The following ABCC8 variants were observed in gnomAD, a reference collection of about 807,000 sequenced individuals.
ABCC8 encodes ATP binding cassette subfamily C member 8, also known as ATP-binding cassette sub-family C member 8.
ABCC8 carries 137 observed loss-of-function variants against 188.0 expected under a neutral mutation model. That is an observed-to-expected ratio of 0.73 (90% CI 0.63 to 0.84). ABCC8 has a LOEUF of 0.84. ABCC8 is among the 40% of genes least tolerant of loss of function. The pLI is 0.00. For missense variants in ABCC8, 1,750 were observed against 2,072.7 expected (o/e 0.84, Z 3.02); for synonymous variants, 797 against 846.5 (o/e 0.94, Z 1.01).
rs2133445127 is a variant in ABCC8, at chr11:17,406,627, G to A, written c.3324C>T (p.Pro1108=). Residue 1108 remains proline (P), a synonymous_variant, in exon 26 of 39, where the codon CCC becomes CCT. Coordinates refer to ENST00000389817, the MANE Select transcript of ABCC8 (RefSeq NM_000352.6). ...TGGCCAGGGGAGACGGGTACCTCATGGGGGCTAGGATGATCCGGTTTAGCA... is the reference window on the plus strand; with the variant it reads ...TGGCCAGGGGAGACGGGTACCTCATAGGGGCTAGGATGATCCGGTTTAGCA... The part of the protein sequence containing the change: ...RSLLNRIILA[P]MRFFETTPLG... 1 of 1,613,370 alleles carries A rather than the reference G, an allele frequency of 6.2e-7. No individual in the cohort carries two copies. Among genetic ancestry groups the A allele is most frequent in the South Asian group, 1.1e-5 (1 of 91,046 alleles).
intron 10 of ABCC8, among the ~76,000 whole-genome samples, chr11:17,441,203 G>A (rs1956304617): frequency 6.6e-6 from 1 of 152,058 alleles, no homozygotes; most frequent in Non-Finnish European, 1.5e-5. Context: ...TCATAATGGT[G>A]CCCCATGGTG....
intron 8 of ABCC8, among the ~76,000 whole-genome samples, chr11:17,443,970 A>G (rs989175904): frequency 3.9e-5 from 6 of 152,136 alleles, no homozygotes; most frequent in Admixed American, 3.9e-4. Context: ...AGACACCTCT[A>G]AATACAGGGC....
Position 17,468,531 on chromosome 11 carries a change from G to A in ABCC8, c.412+1570C>T, listed in dbSNP as rs559186376. Among the ~76,000 whole-genome samples the A allele has an allele frequency of 1.2e-4, 18 of 152,216 alleles. No homozygotes were observed. The East Asian group carries it at 2.7e-3, about 23-fold the overall frequency. On this transcript the variant is annotated intron_variant, in intron 3 of 38. Coordinates refer to ENST00000389817, the MANE Select transcript of ABCC8 (RefSeq NM_000352.6). Reference sequence around the variant, plus strand: ...GAGATTGCACAGATGCTAGACTCCCGGCTGTGCCCCTTGACGAGCTAGACT... The same window carrying A: ...GAGATTGCACAGATGCTAGACTCCCAGCTGTGCCCCTTGACGAGCTAGACT...
intron 20 of ABCC8, 176 bp from the exon 21 acceptor site, chr11:17,412,922 A>C (rs924305915): frequency 2.9e-6 from 4 of 1,389,480 alleles, no homozygotes; most frequent in Non-Finnish European, 3.9e-6. Context: ...CATTCAGAAG[A>C]GGGCAGCATG....
At chr11:17,394,172 C>T (rs1953779880) in intron 37 of ABCC8, 94 bp downstream of exon 37, 1 of 1,489,820 alleles carries the variant, frequency 6.7e-7, no homozygotes, top group South Asian at 1.1e-5. Flanking sequence ...TTAGAGGCAA[C>T]TTGAGCCTCA....
At chr11:17,419,541 G>T (rs542998237) in intron 16 of ABCC8, among the ~76,000 whole-genome samples, 2 of 152,330 alleles carry the variant, frequency 1.3e-5, no homozygotes, top group East Asian at 3.9e-4. Context: ...AAGCTTCTGG[G>T]TGATGGGATA....
intron 16 of ABCC8, among the ~76,000 whole-genome samples, chr11:17,424,731 C>T (rs1012047996): frequency 2.4e-4 from 36 of 152,344 alleles, no homozygotes; most frequent in African/African-American, 8.4e-4. Flanking sequence ...TCCAGCCTGA[C>T]CACTACATGG....
chr11:17,456,501 T>C (rs1227085807), intron 6 of ABCC8, among the ~76,000 whole-genome samples: 1 of 152,198 alleles, frequency 6.6e-6, no homozygotes, highest in Non-Finnish European at 1.5e-5. Flanking sequence ...AGGGGATCAC[T>C]TGGACTCTTG....
intron 8 of ABCC8, 199 bp downstream of exon 8, chr11:17,448,317 A>G (rs1442149698): frequency 3.3e-6 from 2 of 613,908 alleles, no homozygotes; most frequent in Non-Finnish European, 5.9e-6. Context: ...TTCTCTGGTC[A>G]TTAAGAGAGA....
intron 1 of ABCC8, 118 bp from the exon 2 acceptor site, chr11:17,475,145 G>A: frequency 1.4e-6 from 2 of 1,465,884 alleles, no homozygotes; most frequent in South Asian, 1.2e-5. Context: ...ACCTACACAT[G>A]AGGATCCCCA....
intron 17 of ABCC8, 148 bp from the exon 18 acceptor site, chr11:17,415,487 T>G: frequency 2.0e-6 from 3 of 1,513,518 alleles, no homozygotes; most frequent in Non-Finnish European, 2.7e-6. Flanking sequence ...CATAGAGAGG[T>G]GTGGAGAGTG....
At chr11:17,393,180 T>G (rs1591702520) in intron 38 of ABCC8, 52 bp from the exon 39 acceptor site, 6 of 1,605,950 alleles carry the variant, frequency 3.7e-6, no homozygotes, top group Non-Finnish European at 3.4e-6. Context: ...CCACCCGCGG[T>G]GGGGGCCACA....
At position 17,406,925 on chromosome 11, in the gene ABCC8, G is replaced by GC. The variant is rs753332867; in HGVS notation, c.3124_3125insG (p.Thr1042SerfsTer72). 3.7e-6 allele frequency: 6 copies of GC among 1,614,040 alleles called. No homozygotes were observed. The East Asian group carries it at 8.9e-5, about 24-fold the overall frequency. ...GCAGTTCCTGGCTGCAGGGGTCAGG[G>GC]TCAGGGCGCTGTCGGTCCACTTGGC... On this transcript the variant is annotated frameshift_variant, in exon 25 of 39. Transcript: ENST00000389817. LOFTEE classifies it high-confidence loss of function.
rs373869760 is a variant in ABCC8, at chr11:17,476,802, G to C, written c.-26C>G. 4.5e-5 allele frequency: 69 copies of C among 1,516,726 alleles called. No homozygotes were observed. Among genetic ancestry groups the C allele is most frequent in the Non-Finnish European group, 5.8e-5 (66 of 1,132,690 alleles). 94.0% of individuals were successfully genotyped at this position (1,516,726 alleles called of 1,614,324 possible). ...GGCGGCGCGGGCGCGGGCTGGGCTCGGGCTCAGCTGGCTCCGCTGGCTCCG... is the reference window on the plus strand; with the variant it reads ...GGCGGCGCGGGCGCGGGCTGGGCTCCGGCTCAGCTGGCTCCGCTGGCTCCG... On this transcript the variant is annotated 5_prime_UTR_variant, in exon 1 of 39. Transcript: ENST00000389817.
intron 12 of ABCC8, chr11:17,428,927 T>G: frequency 1.7e-6 from 1 of 591,334 alleles, no homozygotes; most frequent in Middle Eastern, 4.7e-4. Flanking sequence ...GGGTTAATGT[T>G]GAAGTTAGTT....
chr11:17,461,154 A>G, intron 5 of ABCC8: 1 of 338,030 alleles, frequency 3.0e-6, no homozygotes. Flanking sequence ...CCTCAGTGAT[A>G]TGGGGAGATT....
At position 17,397,349 on chromosome 11, in the gene ABCC8, T is replaced by A. The variant is rs1447000457; in HGVS notation, c.3868-36A>T. ...CAAGCCAGTGGCGCACACTCCATGG[T>A]CGCTTAGTTCTGTCCTCAGCCACCA... On this transcript the variant is annotated intron_variant, in intron 31 of 38. Transcript: ENST00000389817. 1.9e-6 allele frequency: 3 copies of A among 1,604,694 alleles called. No homozygotes were observed. The East Asian group carries it at 6.7e-5, about 36-fold the overall frequency.
At chr11:17,442,934 C>G in intron 9 of ABCC8, 52 bp from the exon 10 acceptor site, 2 of 1,604,726 alleles carry the variant, frequency 1.2e-6, no homozygotes, top group South Asian at 1.1e-5. Flanking sequence ...GTCTCCCACC[C>G]GAGAGGAAGG....
At chr11:17,394,742 C>A (rs1228329016) in intron 36 of ABCC8, among the ~76,000 whole-genome samples, 1 of 152,202 alleles carries the variant, frequency 6.6e-6, no homozygotes, top group East Asian at 1.9e-4. Context: ...CCCAATGCTC[C>A]AGGAGCTGCA....
Sources: gnomAD v4.1 joint callset for allele counts (sites outside exome capture counted in the v4.1 genomes callset) on GRCh38, gnomAD v4.1.1 for gene constraint, MANE v1.5 for transcripts, NCBI Gene and HGNC (gene_info 2026-07-23, HGNC 2026-07-21) for gene names.